Variants in INF2 observed in about 807,000 individuals in gnomAD.
INF2 encodes the protein inverted formin 2.
Under a neutral mutation model 123.5 loss-of-function variants are expected in INF2, and 43 were observed. The ratio of observed to expected loss-of-function variants is 0.35; its 90% CI spans 0.27 to 0.45. INF2 has a LOEUF of 0.45. Among genes scored for constraint, INF2 ranks in the 20% least tolerant of loss-of-function variants. INF2 has a pLI of 1.00. For missense variants in INF2, 1,453 were observed against 1,682.7 expected (o/e 0.86, Z 2.39); for synonymous variants, 851 against 745.0 (o/e 1.14, Z -2.32).
chr14:104,701,212 G>T, intron 1 of INF2, 145 bp from the exon 2 acceptor site: 1 of 951,244 alleles, frequency 1.1e-6, no homozygotes, highest in Non-Finnish European at 1.6e-6. Flanking sequence ...GGGACACAGT[G>T]CTACCCCTAA....
chr14:104,686,363 T>G (rs1006160501), upstream of INF2, among the ~76,000 whole-genome samples: 11 of 132,424 alleles, frequency 8.3e-5, no homozygotes, highest in African/African-American at 3.2e-4. Flanking sequence ...TGGGTAGGTG[T>G]ATGGATAAGT....
rs574727797 is a variant in INF2 at position 104,712,478 on chromosome 14, G to A, written c.2535G>A (p.Lys845=). 1.9e-6 allele frequency: 3 copies of A among 1,612,602 alleles called. No individual in the cohort carries two copies. Among genetic ancestry groups the A allele is most frequent in the Admixed American group, 1.7e-5 (1 of 60,000 alleles). Residue 845 remains lysine, a synonymous_variant, in exon 17 of 23, where the codon AAG becomes AAA. Transcript: ENST00000392634. ...IIRSEASSNL[K]KLLETERKVS... ...GCTCAGAGGCCAGCTCCAACCTGAAGAAGCTTCTGGAGACCGAGCGGAAGG... is the reference window on the plus strand; with the variant it reads ...GCTCAGAGGCCAGCTCCAACCTGAAAAAGCTTCTGGAGACCGAGCGGAAGG...
At chr14:104,709,728 C>A in intron 12 of INF2, 23 bp downstream of exon 12, 1 of 1,602,792 alleles carries the variant, frequency 6.2e-7, no homozygotes. Flanking sequence ...GCCCTCAGAC[C>A]CCAGGGCCTG....
intron 5 of INF2, chr14:104,704,222 C>G: frequency 7.2e-7 from 1 of 1,386,790 alleles, no homozygotes; most frequent in Non-Finnish European, 9.4e-7. Context: ...GTGGATGGAG[C>G]TGGAGGCCGT....
At chr14:104,695,648 C>G (rs900371776) in intron 1 of INF2, among the ~76,000 whole-genome samples, 1 of 128,984 alleles carries the variant, frequency 7.8e-6, no homozygotes, top group Admixed American at 8.0e-5. Context: ...CCCCCTACCC[C>G]CCCTACAGAG....
chr14:104,703,975 C>A (rs748862922), intron 5 of INF2, 26 bp downstream of exon 5: 1 of 1,607,976 alleles, frequency 6.2e-7, no homozygotes, highest in East Asian at 2.2e-5. Context: ...AGCGGTCCTG[C>A]CGGCTCCCCC....
At chr14:104,691,063 G>A (rs1418463861) in intron 1 of INF2, among the ~76,000 whole-genome samples, 2 of 152,220 alleles carry the variant, frequency 1.3e-5, no homozygotes, top group South Asian at 2.1e-4. Flanking sequence ...AGGGGATGTC[G>A]CTAGTGGGGA....
intron 22 of INF2, 81 bp downstream of exon 22, chr14:104,715,421 C>A (rs1049923976): frequency 3.1e-6 from 4 of 1,281,476 alleles, no homozygotes; most frequent in Admixed American, 1.7e-5. Flanking sequence ...CACACCCCTC[C>A]GGGACACTAA....
In INF2 at chr14:104,699,937, T is replaced by C. The variant is rs7154981; in HGVS notation, c.-9-1420T>C. 0.52 allele frequency among the ~76,000 whole-genome samples: 78,451 copies of C among 151,914 alleles called. 21,252 individuals carry two copies. The highest frequency in any genetic ancestry group is 0.69 in the African/African-American group (28,655 of 41,434). Reference sequence around the variant, plus strand: ...TGGCCCCCTGGGGCAGTTGGACAGGTGGAGGGCTGAGGGGCGGTGCGGGGA... The same window carrying C: ...TGGCCCCCTGGGGCAGTTGGACAGGCGGAGGGCTGAGGGGCGGTGCGGGGA... On this transcript the variant is annotated intron_variant, in intron 1 of 22. Transcript: ENST00000392634. The surrounding 1 kb of genome is among the most constrained non-coding windows in gnomAD (Gnocchi z 4.7).
At chr14:104,715,105 C>T (rs1035513425) in intron 21 of INF2, among the ~76,000 whole-genome samples, 179 bp from the exon 22 acceptor site, 3 of 152,318 alleles carry the variant, frequency 2.0e-5, no homozygotes, top group African/African-American at 4.8e-5. Flanking sequence ...GAGTAGGGGG[C>T]GGACACCGGG....
chr14:104,716,328 G>A (rs186067751), intron 22 of INF2, among the ~76,000 whole-genome samples: 4 of 152,368 alleles, frequency 2.6e-5, no homozygotes, highest in Admixed American at 6.5e-5. Flanking sequence ...GCTTGTCCTC[G>A]CTGTTGGGGC....
chr14:104,687,960 G>A (rs546238456), upstream of INF2, among the ~76,000 whole-genome samples: 45 of 152,344 alleles, frequency 3.0e-4, no homozygotes, highest in African/African-American at 1.0e-3. The surrounding 1 kb of genome is among the most constrained non-coding windows in gnomAD (Gnocchi z 5.6). Context: ...AGCCCCGCCC[G>A]TGCCCTCCAG....
intron 1 of INF2, among the ~76,000 whole-genome samples, chr14:104,694,472 A>C (rs1889091198): frequency 6.6e-6 from 1 of 152,212 alleles, no homozygotes; most frequent in African/African-American, 2.4e-5. Context: ...CCCAGCCGCC[A>C]AACAGGAGGT....
intron 1 of INF2, chr14:104,700,778 GCAGACTGA>G: frequency 1.1e-6 from 1 of 940,786 alleles, no homozygotes; most frequent in African/African-American, 1.8e-5. Context: ...ATGCAGACGG[GCAGACTGA>G]GGCCCAGGGG....
At chr14:104,686,254 G>A (rs1216074022), upstream of INF2, among the ~76,000 whole-genome samples, 3 of 151,096 alleles carry the variant, frequency 2.0e-5, no homozygotes, top group Non-Finnish European at 4.4e-5. Flanking sequence ...TGGGTGGATA[G>A]ATGAATGGAT....
intron 1 of INF2, chr14:104,700,954 C>G (rs186733176): frequency 1.3e-6 from 1 of 747,890 alleles, no homozygotes; most frequent in East Asian, 1.3e-4. Context: ...CGTTTTGTCG[C>G]ATCATTACCG....
At chr14:104,704,084 C>A in intron 5 of INF2, 135 bp downstream of exon 5, 1 of 1,518,806 alleles carries the variant, frequency 6.6e-7, no homozygotes, top group Admixed American at 2.0e-5. Flanking sequence ...TCGGAGTAAC[C>A]CCAGGGGTCC....
intron 1 of INF2, among the ~76,000 whole-genome samples, chr14:104,693,820 C>T (rs971585314): frequency 6.6e-6 from 1 of 152,200 alleles, no homozygotes; most frequent in African/African-American, 2.4e-5. Context: ...GACATGGCCT[C>T]GGTGTACAGC....
At chr14:104,715,850 CGG>C (rs1178022832) in intron 22 of INF2, 3 of 458,646 alleles carry the variant, frequency 6.5e-6, no homozygotes, top group Non-Finnish European at 1.3e-5. Context: ...GTGAGGAGAC[CGG>C]GACAGTCGCA....
Sources: allele counts gnomAD v4.1 joint callset (sites outside exome capture counted in the v4.1 genomes callset), GRCh38; gene constraint gnomAD v4.1.1; non-coding constraint Gnocchi (gnomAD v3.1); transcripts MANE v1.5; gene names NCBI Gene and HGNC (gene_info 2026-07-23, HGNC 2026-07-21).